Variants in EFHC1 observed in about 807,000 individuals in gnomAD.
EFHC1 encodes EF-hand domain-containing protein 1.
Under a neutral mutation model 69.9 loss-of-function variants are expected in EFHC1, and 53 were observed. The ratio of observed to expected loss-of-function variants is 0.76; its 90% CI spans 0.61 to 0.95. The LOEUF is 0.95. Among genes scored for constraint, EFHC1 ranks in the 40% least tolerant of loss-of-function variants. The probability of loss-of-function intolerance (pLI) is 0.00; values close to 1 mark genes in which losing one functional copy is unlikely to be tolerated. For missense variants in EFHC1, 739 were observed against 798.7 expected, an observed-to-expected ratio of 0.93 and a Z score of 0.90; for synonymous variants, 256 against 278.4, an observed-to-expected ratio of 0.92 and a Z score of 0.80.
intron 3 of EFHC1, among the ~76,000 whole-genome samples, chr6:52,440,512 C>T (rs558510988): frequency 8.5e-5 from 13 of 152,184 alleles, no homozygotes; most frequent in African/African-American, 3.1e-4. Flanking sequence ...ATATGTATCA[C>T]ATTTTCTTTT....
chr6:52,433,529 C>T (rs1038011943), intron 2 of EFHC1, among the ~76,000 whole-genome samples: 5 of 152,250 alleles, frequency 3.3e-5, no homozygotes, highest in East Asian at 1.9e-4. Flanking sequence ...TGCTGTGAGC[C>T]GTCTGTGGGT....
rs376005489 is a variant in EFHC1 at position 52,459,662 on chromosome 6, TTTGTTTG to T, written c.917-5230_917-5224del. Among the ~76,000 whole-genome samples, 430 of 149,096 alleles carry T rather than the reference TTTGTTTG, an allele frequency of 2.9e-3. 2 individuals are homozygous for T. The highest frequency in any genetic ancestry group is 0.01 in the African/African-American group (416 of 39,898). On this transcript the variant is annotated intron_variant, in intron 5 of 10. Transcript: ENST00000371068. ...AAAATAGCGTGACAGGTTTTTTTGTTTTGTTTGTTTGTTTGTTTGTTTGTTTTTTTGA... is the reference window on the plus strand; with the variant it reads ...AAAATAGCGTGACAGGTTTTTTTGTTTTTGTTTGTTTGTTTGTTTTTTTGA...
intron 5 of EFHC1, among the ~76,000 whole-genome samples, chr6:52,455,656 A>G (rs997000282): frequency 6.6e-6 from 1 of 152,002 alleles, no homozygotes; most frequent in Non-Finnish European, 1.5e-5. Flanking sequence ...TCCATCTCAA[A>G]AAAAAAAAGA....
rs1361385075 is a variant in EFHC1 at position 52,495,560 on chromosome 6, T to C, written c.*3219T>C. The C allele has an allele frequency of 2.2e-6, 1 of 454,002 alleles. No homozygotes were observed. Among genetic ancestry groups the C allele is most frequent in the Non-Finnish European group, 4.4e-6 (1 of 226,796 alleles). 28.1% of individuals were successfully genotyped at this position (454,002 alleles called of 1,614,324 possible). ...TTTAGGAAAGTCTCATTTAGCATCC[T>C]CTAGCCTGCTTTTGGCTGTTTTGTT... On this transcript the variant is annotated 3_prime_UTR_variant, in exon 11 of 11. Coordinates refer to ENST00000371068, the MANE Select transcript of EFHC1 (RefSeq NM_018100.4).
intron 5 of EFHC1, among the ~76,000 whole-genome samples, chr6:52,459,714 G>A (rs1487597342): frequency 1.3e-5 from 2 of 151,114 alleles, no homozygotes; most frequent in Non-Finnish European, 1.5e-5. Flanking sequence ...TCGCTTTGTC[G>A]CCCAGGCTGG....
chr6:52,446,171 C>T (rs1173244061), intron 3 of EFHC1, among the ~76,000 whole-genome samples: 2 of 152,128 alleles, frequency 1.3e-5, no homozygotes, highest in Non-Finnish European at 2.9e-5. Context: ...GTTAAAGTCT[C>T]CCATTATTAT....
In EFHC1 at chr6:52,495,097, T is replaced by C. The variant is rs1432912413; in HGVS notation, c.*2756T>C. ...GATCACCCCGGCTCTAATGGTATGG[T>C]CTCCAAGGCTCCTTCTGATCTTCCC... On this transcript the variant is annotated 3_prime_UTR_variant, in exon 11 of 11. Transcript: ENST00000371068. The C allele has an allele frequency of 4.4e-6, 2 of 453,870 alleles. No homozygotes were observed. The highest frequency in any genetic ancestry group is 8.8e-6 in the Non-Finnish European group (2 of 226,772). 28.1% of individuals were successfully genotyped at this position (453,870 alleles called of 1,614,324 possible). A position where few individuals can be genotyped will look rare whatever the true frequency, so the allele number is the denominator to read the frequency against.
chr6:52,432,308 G>A (rs1393771484), intron 2 of EFHC1, among the ~76,000 whole-genome samples: 3 of 152,074 alleles, frequency 2.0e-5, no homozygotes, highest in African/African-American at 7.2e-5. Flanking sequence ...GGTCCTGTGA[G>A]ATTTATGCTT....
intron 3 of EFHC1, among the ~76,000 whole-genome samples, chr6:52,445,667 G>C (rs1764767803): frequency 2.0e-5 from 3 of 152,118 alleles, no homozygotes; most frequent in Non-Finnish European, 2.9e-5. Context: ...GTCAATTTTA[G>C]ATCTTACCTG....
chr6:52,429,274 A>G (rs1237003256), intron 2 of EFHC1, among the ~76,000 whole-genome samples: 1 of 152,208 alleles, frequency 6.6e-6, no homozygotes, highest in Non-Finnish European at 1.5e-5. Context: ...GCCTAAGCCA[A>G]TGTCTAGAAG....
chr6:52,482,973 A>G lies in EFHC1; in HGVS notation c.1640+3186A>G, dbSNP rs1426855578. On this transcript the variant is annotated intron_variant, in intron 9 of 10. Coordinates refer to ENST00000371068, the MANE Select transcript of EFHC1 (RefSeq NM_018100.4). ...TCTTTTGATTTTCCATTTTTGTAAAATAAAGTTTGTGTATCACTGAGAGAC... is the reference window on the plus strand; with the variant it reads ...TCTTTTGATTTTCCATTTTTGTAAAGTAAAGTTTGTGTATCACTGAGAGAC... The G allele has an allele frequency of 5.3e-5, 21 of 397,102 alleles. No individual in the cohort carries two copies. In the Admixed American group the frequency reaches 9.3e-4, roughly 17 times the overall value. 24.6% of individuals were successfully genotyped at this position (397,102 alleles called of 1,614,324 possible). A position where few individuals can be genotyped will look rare whatever the true frequency, so the allele number is the denominator to read the frequency against.
chr6:52,479,827 T>C (rs968570636), intron 9 of EFHC1, 40 bp downstream of exon 9: 15 of 1,611,502 alleles, frequency 9.3e-6, no homozygotes, highest in Non-Finnish European at 1.3e-5. Flanking sequence ...ACTCAAGATA[T>C]TCAGGAAGTA....
At chr6:52,463,637 T>A (rs1319349239) in intron 5 of EFHC1, among the ~76,000 whole-genome samples, 2 of 152,182 alleles carry the variant, frequency 1.3e-5, no homozygotes, top group Non-Finnish European at 2.9e-5. Flanking sequence ...AAACAAGATA[T>A]CAGTAAACCT....
intron 7 of EFHC1, among the ~76,000 whole-genome samples, chr6:52,472,703 A>T (rs1249478908): frequency 6.7e-6 from 1 of 150,214 alleles, no homozygotes; most frequent in East Asian, 1.9e-4. Flanking sequence ...TACAAGAGAT[A>T]TGTAATATCT....
At chr6:52,421,828 A>G (rs934765243) in intron 1 of EFHC1, among the ~76,000 whole-genome samples, 1 of 152,232 alleles carries the variant, frequency 6.6e-6, no homozygotes, top group Non-Finnish European at 1.5e-5. Context: ...TGCCCTATAC[A>G]GGATGAGCTT....
chr6:52,472,303 A>C (rs1190973165), intron 7 of EFHC1, among the ~76,000 whole-genome samples: 1 of 152,218 alleles, frequency 6.6e-6, no homozygotes, highest in African/African-American at 2.4e-5. Context: ...GAACAAGGCA[A>C]GACTGCTATC....
At position 52,494,989 on chromosome 6, in the gene EFHC1, G is replaced by A. The variant is rs952036701; in HGVS notation, c.*2648G>A. Reference sequence around the variant, plus strand: ...TTCCATGTCCTTTGCTCAGAGCCCCGTTTTGGTGAGTTCTTAGAACTCTTT... The same window carrying A: ...TTCCATGTCCTTTGCTCAGAGCCCCATTTTGGTGAGTTCTTAGAACTCTTT... On this transcript the variant is annotated 3_prime_UTR_variant, in exon 11 of 11. Transcript: ENST00000371068. The A allele has an allele frequency of 2.6e-5, 12 of 454,008 alleles. No individual in the cohort carries two copies. The highest frequency in any genetic ancestry group is 9.4e-5 in the Admixed American group (4 of 42,560). 28.1% of individuals were successfully genotyped at this position (454,008 alleles called of 1,614,324 possible).
rs1765948126 is a variant in EFHC1, at chr6:52,493,131, T to TAA, written c.*790_*791insAA. 2.2e-6 allele frequency: 1 copy of TAA among 453,902 alleles called. No individual in the cohort carries two copies. The highest frequency in any genetic ancestry group is 4.4e-6 in the Non-Finnish European group (1 of 226,740). The allele number at this position is 453,902 out of a possible 1,614,324, so 28.1% of individuals were successfully genotyped here. ...GCTTCAAATTGGAACATCAGCCTTT[T>TAA]CTTGCCTTCAGACACAAATGGAAAC... is the stretch of plus-strand genomic sequence containing the variant. On this transcript the variant is annotated 3_prime_UTR_variant, in exon 11 of 11. Coordinates refer to ENST00000371068, the MANE Select transcript of EFHC1 (RefSeq NM_018100.4).
At position 52,461,992 on chromosome 6, in the gene EFHC1, A is replaced by G. The variant is rs1020440063; in HGVS notation, c.917-2903A>G. Among the ~76,000 whole-genome samples, 7 of 152,232 alleles carry G rather than the reference A, an allele frequency of 4.6e-5. No homozygotes were observed. In the East Asian group the frequency reaches 1.3e-3, roughly 29 times the overall value. On this transcript the variant is annotated intron_variant, in intron 5 of 10. Coordinates refer to ENST00000371068, the MANE Select transcript of EFHC1 (RefSeq NM_018100.4). ...CAGTGAGACTGGAAAAATATAGCAT[A>G]ATAGTGGGAGCCATTAAAACATTTC...
Sources: allele counts gnomAD v4.1 joint callset (sites outside exome capture counted in the v4.1 genomes callset), GRCh38; gene constraint gnomAD v4.1.1; transcripts MANE v1.5; gene names NCBI Gene and HGNC (gene_info 2026-07-23, HGNC 2026-07-21).